Variants in LAG3 observed in about 807,000 individuals in gnomAD.
LAG3 encodes the protein lymphocyte activating 3.
LAG3 carries 29 observed loss-of-function variants against 49.0 expected under a neutral mutation model. That is an observed-to-expected ratio of 0.59 (90% CI 0.44 to 0.81). LAG3 has a LOEUF of 0.81. LAG3 is among the 30% of genes least tolerant of loss of function. LAG3 has a pLI of 0.00. For missense variants in LAG3, 693 were observed against 695.2 expected, an observed-to-expected ratio of 1.00 and a Z score of 0.04; for synonymous variants, 320 against 297.3, an observed-to-expected ratio of 1.08 and a Z score of -0.79.
chr12:6,778,308 T>C lies in LAG3; in HGVS notation c.1496T>C (p.Ile499Thr). 1.2e-6 allele frequency: 2 copies of C among 1,613,470 alleles called. No individual in the cohort carries two copies. The highest frequency in any genetic ancestry group is 1.1e-5 in the South Asian group (1 of 91,064). Residue 499 changes from isoleucine (I) to threonine (T), a missense_variant, in exon 8 of 8, where the codon ATA (isoleucine) becomes ACA (threonine). Transcript: ENST00000203629. ...GIHPPQAQSK[I>T]EELEQEPEPE... ...CACCCTCCGCAGGCTCAGAGCAAGATAGAGGAGCTGGAGCAAGAACCGGAG... is the reference window on the plus strand; with the variant it reads ...CACCCTCCGCAGGCTCAGAGCAAGACAGAGGAGCTGGAGCAAGAACCGGAG...
Position 6,772,834 on chromosome 12 carries a change from T to C in LAG3, c.-19T>C. ...GACCTCCTTTTGGAGGGCTCAGCGC[T>C]GCCCAGACCATAGGAGAGATGTGGG... On this transcript the variant is annotated 5_prime_UTR_variant, in exon 1 of 8. Coordinates refer to ENST00000203629, the MANE Select transcript of LAG3 (RefSeq NM_002286.6). 1 of 1,490,664 alleles carries C rather than the reference T, an allele frequency of 6.7e-7. No individual in the cohort carries two copies. The highest frequency in any genetic ancestry group is 9.0e-7 in the Non-Finnish European group (1 of 1,105,314). The allele number at this position is 1,490,664 out of a possible 1,614,324, so 92.3% of individuals were successfully genotyped here. A position where few individuals can be genotyped will look rare whatever the true frequency, so the allele number is the denominator to read the frequency against.
At position 6,772,685 on chromosome 12, in the gene LAG3, T is replaced by C; in HGVS notation, c.-168T>C. 5 of 422,724 alleles carry C rather than the reference T, an allele frequency of 1.2e-5. No individual in the cohort carries two copies. The highest frequency in any genetic ancestry group is 4.3e-5 in the East Asian group (1 of 23,092). The allele number at this position is 422,724 out of a possible 1,614,324, so 26.2% of individuals were successfully genotyped here. ...CTGGATTCCGGCCTCTGGTCATCCCTCCCCACCCTCTCTCCAAGGCCCTCT... is the reference window on the plus strand; with the variant it reads ...CTGGATTCCGGCCTCTGGTCATCCCCCCCCACCCTCTCTCCAAGGCCCTCT... On this transcript the variant is annotated 5_prime_UTR_variant, in exon 1 of 8. Transcript: ENST00000203629.
Position 6,773,187 on chromosome 12 carries a change from C to T in LAG3, c.59-5C>T. 1 of 1,608,482 alleles carries T rather than the reference C, an allele frequency of 6.2e-7. No individual in the cohort carries two copies. The highest frequency in any genetic ancestry group is 2.2e-5 in the East Asian group (1 of 44,806). Reference sequence around the variant, plus strand: ...CTCCCCTTGGCCTCTCTTTTGCTCACCTAGTGAAGCCTCTCCAGCCAGGGG... The same window carrying T: ...CTCCCCTTGGCCTCTCTTTTGCTCATCTAGTGAAGCCTCTCCAGCCAGGGG... On this transcript the variant is annotated splice_polypyrimidine_tract_variant and splice_region_variant and intron_variant, in intron 1 of 7. Coordinates refer to ENST00000203629, the MANE Select transcript of LAG3 (RefSeq NM_002286.6). The surrounding 1 kb of genome is among the most constrained non-coding windows in gnomAD (Gnocchi z 5.5).
intron 5 of LAG3, 64 bp downstream of exon 5, chr12:6,775,612 T>C (rs769818870): frequency 6.4e-7 from 1 of 1,551,280 alleles, no homozygotes; most frequent in South Asian, 1.2e-5. Flanking sequence ...GAGGAAGGGC[T>C]GGCAGGGCAA....
rs900193375 is a variant in LAG3 at position 6,774,703 on chromosome 12, G to C, written c.620G>C (p.Gly207Ala). 1.2e-6 allele frequency: 2 copies of C among 1,614,134 alleles called. No homozygotes were observed. The highest frequency in any genetic ancestry group is 1.7e-6 in the Non-Finnish European group (2 of 1,180,018). Residue 207 changes from glycine (G) to alanine (A), a missense_variant, in exon 4 of 8, where the codon GGC (glycine) becomes GCC (alanine). Gly to Ala is a moderately conservative substitution (Grantham distance 60). Transcript: ENST00000203629. ...PASVHWFRNR[G>A]QGRVPVRESP... ...TCTGTGCATTGGTTCCGGAACCGGG[G>C]CCAGGGCCGAGTCCCTGTCCGGGAG... is the stretch of plus-strand genomic sequence containing the variant.
Position 6,778,072 on chromosome 12 carries a change from G to A in LAG3, c.1431+151G>A, listed in dbSNP as rs566759237. On this transcript the variant is annotated intron_variant, in intron 7 of 7. Coordinates refer to ENST00000203629, the MANE Select transcript of LAG3 (RefSeq NM_002286.6). ...CTTCTTCATAAGCCTCTCACTCCAGGGATGGCTTGTGCCTGGGTAGGCTGG... is the reference window on the plus strand; with the variant it reads ...CTTCTTCATAAGCCTCTCACTCCAGAGATGGCTTGTGCCTGGGTAGGCTGG... The A allele has an allele frequency of 3.4e-5, 46 of 1,360,688 alleles. No homozygotes were observed. In the African/African-American group the frequency reaches 5.9e-4, roughly 17 times the overall value. 84.3% of individuals were successfully genotyped at this position (1,360,688 alleles called of 1,614,324 possible). A position where few individuals can be genotyped will look rare whatever the true frequency, so the allele number is the denominator to read the frequency against.
chr12:6,774,103 C>G, intron 3 of LAG3, 102 bp downstream of exon 3: 1 of 1,332,128 alleles, frequency 7.5e-7, no homozygotes, highest in South Asian at 2.0e-5. Flanking sequence ...GCCCTAGGCC[C>G]TGTCGGAGAG....
Position 6,772,682 on chromosome 12 carries a change from C to T in LAG3, c.-171C>T, listed in dbSNP as rs1043522432. 38 of 519,502 alleles carry T rather than the reference C, an allele frequency of 7.3e-5. No homozygotes were observed. Among genetic ancestry groups the T allele is most frequent in the Middle Eastern group, 1.0e-3 (2 of 1,978 alleles). 32.2% of individuals were successfully genotyped at this position (519,502 alleles called of 1,614,324 possible). A position where few individuals can be genotyped will look rare whatever the true frequency, so the allele number is the denominator to read the frequency against. ...CCTCTGGATTCCGGCCTCTGGTCAT[C>T]CCTCCCCACCCTCTCTCCAAGGCCC... On this transcript the variant is annotated 5_prime_UTR_variant, in exon 1 of 8. Coordinates refer to ENST00000203629, the MANE Select transcript of LAG3 (RefSeq NM_002286.6).
rs968727946 is a variant in LAG3, at chr12:6,773,852, A to G, written c.362A>G (p.Gln121Arg). The part of the protein sequence containing the change: ...SGRLPLQPRV[Q>R]LDERGRQRGD... ...AGGCTGCCCCTGCAGCCCCGCGTCC[A>G]GCTGGATGAGCGCGGCCGGCAGCGC... The change falls in exon 3 of 8, where the codon CAG becomes CGG. Residue 121 changes from glutamine (Q) to arginine (R), a missense_variant. Transcript: ENST00000203629. This position sits in a 1 kb window ranked among gnomAD's most constrained non-coding sequence, Gnocchi z 5.5. 2 of 1,408,502 alleles carry G rather than the reference A, an allele frequency of 1.4e-6. No individual in the cohort carries two copies. Among genetic ancestry groups the G allele is most frequent in the Non-Finnish European group, 1.8e-6 (2 of 1,087,364 alleles). The allele number at this position is 1,408,502 out of a possible 1,614,324, so 87.3% of individuals were successfully genotyped here. A position where few individuals can be genotyped will look rare whatever the true frequency, so the allele number is the denominator to read the frequency against.
chr12:6,772,658 C>T lies in LAG3; in HGVS notation c.-195C>T, dbSNP rs1313376166. On this transcript the variant is annotated 5_prime_UTR_variant, in exon 1 of 8. Transcript: ENST00000203629. Reference sequence around the variant, plus strand: ...TGATCTGCCCAGCTTTCCAGCTTTCCTCTGGATTCCGGCCTCTGGTCATCC... The same window carrying T: ...TGATCTGCCCAGCTTTCCAGCTTTCTTCTGGATTCCGGCCTCTGGTCATCC... The T allele has an allele frequency of 1.1e-5, 6 of 539,024 alleles. No homozygotes were observed. In the African/African-American group the frequency reaches 1.2e-4, roughly 10 times the overall value. The allele number at this position is 539,024 out of a possible 1,614,324, so 33.4% of individuals were successfully genotyped here.
chr12:6,773,985 C>T lies in LAG3; in HGVS notation c.495C>T (p.Arg165=). ...CCCTCTCCTGCCGCCTCCGTCTGCG[C>T]CTGGGCCAGGCCTCGAGTATGTGGG... ...DRALSCRLRL[R]LGQASMTASP... is the part of the protein sequence containing the mutation. Residue 165 remains arginine (R), a synonymous_variant, in exon 3 of 8, where the codon CGC becomes CGT. Transcript: ENST00000203629. The surrounding 1 kb of genome is among the most constrained non-coding windows in gnomAD (Gnocchi z 5.5). 2.1e-6 allele frequency: 3 copies of T among 1,440,112 alleles called. No homozygotes were observed. The highest frequency in any genetic ancestry group is 2.7e-6 in the Non-Finnish European group (3 of 1,105,174). The allele number at this position is 1,440,112 out of a possible 1,614,324, so 89.2% of individuals were successfully genotyped here.
Position 6,777,827 on chromosome 12 carries a change from C to T in LAG3, c.1337C>T (p.Pro446Leu), listed in dbSNP as rs753053751. The T allele has an allele frequency of 3.1e-6, 5 of 1,613,804 alleles. No homozygotes were observed. The South Asian group carries it at 4.4e-5, about 14-fold the overall frequency. The change falls in exon 7 of 8, where the codon CCA (proline) becomes CTA (leucine). Residue 446 changes from proline (P) to leucine (L), a missense_variant. Physicochemically the swap from Pro to Leu is moderately conservative, Grantham distance 98 (BLOSUM62 -3). Transcript: ENST00000203629. Reference protein sequence around the residue: ...QRSGRAPGALPAGHLLLFLIL... With the variant: ...QRSGRAPGALLAGHLLLFLIL... ...TCTGGGAGAGCCCCAGGTGCCCTCCCAGCAGGCCACCTCCTGCTGTTTCTC... is the reference window on the plus strand; with the variant it reads ...TCTGGGAGAGCCCCAGGTGCCCTCCTAGCAGGCCACCTCCTGCTGTTTCTC...
In LAG3 at chr12:6,778,339, GCCGGAGCCGGAA is replaced by G. The variant is rs779942686; in HGVS notation, c.1536_1547del (p.Glu519_Pro522del). 45 of 1,612,948 alleles carry G rather than the reference GCCGGAGCCGGAA, an allele frequency of 2.8e-5. No homozygotes were observed. The highest frequency in any genetic ancestry group is 1.6e-4 in the Middle Eastern group (1 of 6,082). ...AGCTGGAGCAAGAACCGGAGCCGGA[GCCGGAGCCGGAA>G]CCGGAGCCCGAGCCCGAGCCCGAGC... On this transcript the variant is annotated inframe_deletion, in exon 8 of 8. Transcript: ENST00000203629.
chr12:6,774,239 G>T (rs1941877970), intron 3 of LAG3, among the ~76,000 whole-genome samples: 1 of 152,240 alleles, frequency 6.6e-6, no homozygotes, highest in South Asian at 2.1e-4. Flanking sequence ...CCACCCACGC[G>T]GGAGTGCCCA....
At position 6,774,933 on chromosome 12, in the gene LAG3, T is replaced by A. The variant is rs191916231; in HGVS notation, c.781+69T>A. On this transcript the variant is annotated intron_variant, in intron 4 of 7. Coordinates refer to ENST00000203629, the MANE Select transcript of LAG3 (RefSeq NM_002286.6). Reference sequence around the variant, plus strand: ...TGCCCCCCTTGTCACCTCCCCTAACTATGGGTCCCCAAACCAGGTTCTCGG... The same window carrying A: ...TGCCCCCCTTGTCACCTCCCCTAACAATGGGTCCCCAAACCAGGTTCTCGG... 5.1e-5 allele frequency: 75 copies of A among 1,478,520 alleles called. No homozygotes were observed. In the Admixed American group the frequency reaches 1.1e-3, roughly 21 times the overall value. The allele number at this position is 1,478,520 out of a possible 1,614,324, so 91.6% of individuals were successfully genotyped here. A position where few individuals can be genotyped will look rare whatever the true frequency, so the allele number is the denominator to read the frequency against.
At position 6,775,294 on chromosome 12, in the gene LAG3, T is replaced by C; in HGVS notation, c.803T>C (p.Leu268Ser). The C allele has an allele frequency of 1.9e-6, 3 of 1,614,136 alleles. No homozygotes were observed. The highest frequency in any genetic ancestry group is 2.5e-6 in the Non-Finnish European group (3 of 1,180,012). The change falls in exon 5 of 8, where the codon TTG becomes TCG. Residue 268 changes from leucine to serine, a missense_variant. Leu to Ser is a moderately radical substitution (Grantham distance 145, BLOSUM62 -2). Transcript: ENST00000203629. ...TVLGLEPPTP[L>S]TVYAGAGSRV... is the part of the protein sequence containing the mutation. Reference sequence around the variant, plus strand: ...TCAGGTCTGGAGCCCCCAACTCCCTTGACAGTGTACGCTGGAGCAGGTTCC... The same window carrying C: ...TCAGGTCTGGAGCCCCCAACTCCCTCGACAGTGTACGCTGGAGCAGGTTCC...
At position 6,775,097 on chromosome 12, in the gene LAG3, GCTAAGCC is replaced by G. The variant is rs1393846020; in HGVS notation, c.782-174_782-168del. Among the ~76,000 whole-genome samples the G allele has an allele frequency of 5.3e-5, 8 of 152,142 alleles. No individual in the cohort carries two copies. The East Asian group carries it at 1.4e-3, about 26-fold the overall frequency. On this transcript the variant is annotated intron_variant, in intron 4 of 7. Transcript: ENST00000203629. ...ATTGCCGGCCTTCCCTCTCCTTCCG[GCTAAGCC>G]CACTTGCTGGGTTTCTGAGCCTCCT... is the stretch of plus-strand genomic sequence containing the variant.
At chr12:6,774,056 C>T in intron 3 of LAG3, 55 bp downstream of exon 3, 1 of 1,371,666 alleles carries the variant, frequency 7.3e-7, no homozygotes, top group Non-Finnish European at 9.3e-7. Flanking sequence ...CCATCCCCTG[C>T]CTCCCGGGAC....
chr12:6,777,862 G>T lies in LAG3; in HGVS notation c.1372G>T (p.Val458Phe). 6.2e-7 allele frequency: 1 copy of T among 1,613,936 alleles called. No individual in the cohort carries two copies. Among genetic ancestry groups the T allele is most frequent in the Non-Finnish European group, 8.5e-7 (1 of 1,179,972 alleles). ...GHLLLFLILGVLSLLLLVTGA... is the reference protein window; with the variant it reads ...GHLLLFLILGFLSLLLLVTGA... ...CCTCCTGCTGTTTCTCATCCTTGGT[G>T]TCCTTTCTCTGCTCCTTTTGGTGAC... The change falls in exon 7 of 8, where the codon GTC (valine) becomes TTC (phenylalanine). Residue 458 changes from valine to phenylalanine, a missense_variant. Val to Phe is a conservative substitution (Grantham distance 50). Coordinates refer to ENST00000203629, the MANE Select transcript of LAG3 (RefSeq NM_002286.6).
Sources: allele counts gnomAD v4.1 joint callset (sites outside exome capture counted in the v4.1 genomes callset), GRCh38; gene constraint gnomAD v4.1.1; non-coding constraint Gnocchi (gnomAD v3.1); transcripts MANE v1.5; gene names NCBI Gene and HGNC (gene_info 2026-07-23, HGNC 2026-07-21).